The following UBE2G1 variants were observed in gnomAD, a reference collection of about 807,000 sequenced individuals.
UBE2G1 encodes the protein ubiquitin-conjugating enzyme E2 G1.
UBE2G1 carries 5 observed loss-of-function variants against 22.7 expected under a neutral mutation model. That is an observed-to-expected ratio of 0.22 (90% CI 0.12 to 0.46). The LOEUF is 0.46. UBE2G1 is among the 20% of genes least tolerant of loss of function. The probability of loss-of-function intolerance (pLI) is 0.99; values close to 1 mark genes in which losing one functional copy is unlikely to be tolerated. For synonymous variants in UBE2G1, 74 were observed against 67.5 expected (o/e 1.10, Z -0.47); for missense variants, 88 against 203.9 (o/e 0.43, Z 3.46).
At chr17:4,303,488 A>C (rs1033461000) in intron 2 of UBE2G1, among the ~76,000 whole-genome samples, 1 of 152,236 alleles carries the variant, frequency 6.6e-6, no homozygotes, top group Non-Finnish European at 1.5e-5. Context: ...TGCTAAGACC[A>C]AATTTAAGTA....
chr17:4,326,189 T>C (rs560115367), intron 1 of UBE2G1, among the ~76,000 whole-genome samples: 1 of 152,250 alleles, frequency 6.6e-6, no homozygotes, highest in African/African-American at 2.4e-5. Context: ...GTAAATCACC[T>C]ATCTGATAAA....
intron 1 of UBE2G1, among the ~76,000 whole-genome samples, chr17:4,330,482 A>T (rs1294252223): frequency 6.6e-6 from 1 of 152,126 alleles, no homozygotes. Context: ...TCATGCCTGT[A>T]ATCCCAGCAC....
chr17:4,343,689 C>T lies in UBE2G1; in HGVS notation c.46+22582G>A, dbSNP rs1194217951. On this transcript the variant is annotated intron_variant, in intron 1 of 5. Coordinates refer to ENST00000396981, the MANE Select transcript of UBE2G1 (RefSeq NM_003342.5). Reference sequence around the variant, plus strand: ...CTGCAAGCTCCGCCTCCTGGGTTCACGCCATTCTCCTGCCTCAGCCTTCTG... The same window carrying T: ...CTGCAAGCTCCGCCTCCTGGGTTCATGCCATTCTCCTGCCTCAGCCTTCTG... 2.0e-5 allele frequency among the ~76,000 whole-genome samples: 3 copies of T among 151,936 alleles called. No homozygotes were observed. In the East Asian group the frequency reaches 5.9e-4, roughly 30 times the overall value.
At chr17:4,311,527 A>G (rs987140962) in intron 1 of UBE2G1, among the ~76,000 whole-genome samples, 2 of 152,264 alleles carry the variant, frequency 1.3e-5, no homozygotes, top group African/African-American at 4.8e-5. Flanking sequence ...AAGTTAAAGA[A>G]GCAGACATAT....
chr17:4,305,880 TTAAG>T (rs1487605617), intron 2 of UBE2G1, among the ~76,000 whole-genome samples: 1 of 152,152 alleles, frequency 6.6e-6, no homozygotes, highest in Non-Finnish European at 1.5e-5. Context: ...ACTAGTAAAT[TTAAG>T]TTAGTCTGCA....
intron 1 of UBE2G1, among the ~76,000 whole-genome samples, chr17:4,338,291 A>C (rs1969673095): frequency 6.6e-6 from 1 of 152,238 alleles, no homozygotes; most frequent in Non-Finnish European, 1.5e-5. Flanking sequence ...AAAGGAAGTA[A>C]GATAATAGAG....
intron 4 of UBE2G1, among the ~76,000 whole-genome samples, chr17:4,285,605 G>A (rs1196940982): frequency 6.6e-6 from 1 of 152,190 alleles, no homozygotes; most frequent in Non-Finnish European, 1.5e-5. Flanking sequence ...GAGCAGTGAA[G>A]GGGTAATCTG....
At chr17:4,335,034 C>T (rs999841838) in intron 1 of UBE2G1, among the ~76,000 whole-genome samples, 3 of 151,730 alleles carry the variant, frequency 2.0e-5, no homozygotes, top group Non-Finnish European at 4.4e-5. Flanking sequence ...AAAATCACAT[C>T]GAGCACAGCA....
intron 4 of UBE2G1, 37 bp from the exon 5 acceptor site, chr17:4,282,958 C>T (rs1406717634): frequency 6.7e-7 from 1 of 1,485,654 alleles, no homozygotes; most frequent in Non-Finnish European, 9.3e-7. Flanking sequence ...TGATTTCATG[C>T]AAACTCCCCT....
intron 2 of UBE2G1, chr17:4,301,435 T>C: frequency 1.5e-6 from 1 of 682,274 alleles, no homozygotes; most frequent in Non-Finnish European, 2.8e-6. Context: ...CTGTTATTGA[T>C]GTGTTTCCTT....
At position 4,366,600 on chromosome 17, in the gene UBE2G1, C is replaced by T. The variant is rs975723164; in HGVS notation, c.-284G>A. 3 of 339,648 alleles carry T rather than the reference C, an allele frequency of 8.8e-6. No individual in the cohort carries two copies. The highest frequency in any genetic ancestry group is 1.6e-5 in the Non-Finnish European group (3 of 186,382). 21.0% of individuals were successfully genotyped at this position (339,648 alleles called of 1,614,324 possible). A position where few individuals can be genotyped will look rare whatever the true frequency, so the allele number is the denominator to read the frequency against. On this transcript the variant is annotated 5_prime_UTR_variant, in exon 1 of 6. Transcript: ENST00000396981. ...GCCCGCTTCCCTCCTTCAACCCGCC[C>T]GTCGGCCCCACCGGTGCCTTCCCCC...
chr17:4,349,472 A>G (rs567225185), intron 1 of UBE2G1, among the ~76,000 whole-genome samples: 1 of 151,176 alleles, frequency 6.6e-6, no homozygotes, highest in East Asian at 1.9e-4. Flanking sequence ...GTCATCTTGA[A>G]CTCTTCATTT....
chr17:4,314,530 G>T (rs528992556), intron 1 of UBE2G1, among the ~76,000 whole-genome samples: 1 of 152,178 alleles, frequency 6.6e-6, no homozygotes, highest in African/African-American at 2.4e-5. Context: ...TCAACATTTA[G>T]TGTGATCCTT....
intron 5 of UBE2G1, among the ~76,000 whole-genome samples, chr17:4,276,228 T>A (rs1301081227): frequency 6.6e-6 from 1 of 152,124 alleles, no homozygotes; most frequent in Non-Finnish European, 1.5e-5. Context: ...TTACCCTCTG[T>A]CGCCCAGGCT....
intron 1 of UBE2G1, among the ~76,000 whole-genome samples, chr17:4,336,372 A>G (rs2143787263): frequency 6.6e-6 from 1 of 152,310 alleles, no homozygotes; most frequent in African/African-American, 2.4e-5. Flanking sequence ...AAAAGCATAC[A>G]TAGCAAGCAT....
intron 4 of UBE2G1, among the ~76,000 whole-genome samples, chr17:4,283,375 CTG>C (rs577590556): frequency 6.2e-4 from 94 of 152,304 alleles, no homozygotes; most frequent in African/African-American, 2.2e-3. Context: ...TGGCACATGC[CTG>C]TAATCCCAGC....
chr17:4,348,548 G>A (rs550150043), intron 1 of UBE2G1, among the ~76,000 whole-genome samples: 1 of 125,934 alleles, frequency 7.9e-6, no homozygotes, highest in African/African-American at 3.3e-5. Context: ...GCGAGACTCC[G>A]TCTCAAAAAA....
intron 1 of UBE2G1, among the ~76,000 whole-genome samples, chr17:4,324,020 G>GC (rs1376080109): frequency 6.6e-6 from 1 of 152,130 alleles, no homozygotes; most frequent in Non-Finnish European, 1.5e-5. Flanking sequence ...TGATGCCCAA[G>GC]CATCACCCCA....
intron 1 of UBE2G1, among the ~76,000 whole-genome samples, chr17:4,328,769 G>C (rs1257495699): frequency 6.6e-6 from 1 of 152,178 alleles, no homozygotes; most frequent in Non-Finnish European, 1.5e-5. Context: ...GCCACTTGAT[G>C]GGCTTCTGTG....
Sources: allele counts gnomAD v4.1 joint callset (sites outside exome capture counted in the v4.1 genomes callset), GRCh38; gene constraint gnomAD v4.1.1; transcripts MANE v1.5; gene names NCBI Gene and HGNC (gene_info 2026-07-23, HGNC 2026-07-21).